Variants in WDR26 observed in about 807,000 individuals in gnomAD.
WDR26 encodes the protein WD repeat-containing protein 26.
In WDR26, 5 loss-of-function variants were observed where a neutral mutation model predicts 84.1. That is an observed-to-expected ratio of 0.06 (90% CI 0.03 to 0.13). WDR26 has a LOEUF of 0.13. WDR26 is among the 10% of genes least tolerant of loss of function. WDR26 has a pLI of 1.00. For missense variants in WDR26, 642 were observed against 974.9 expected, an observed-to-expected ratio of 0.66 and a Z score of 4.55; for synonymous variants, 415 against 389.6, an observed-to-expected ratio of 1.07 and a Z score of -0.77.
intron 3 of WDR26, chr1:224,430,507 G>GA (rs949125477): frequency 6.6e-6 from 1 of 151,634 alleles, no homozygotes; most frequent in African/African-American, 2.4e-5. Context: ...GATTTCAAAA[G>GA]AAAAAAACAC....
At chr1:224,403,282 C>T (rs901188591) in intron 8 of WDR26, among the ~76,000 whole-genome samples, 2 of 152,208 alleles carry the variant, frequency 1.3e-5, no homozygotes, top group African/African-American at 4.8e-5. Context: ...GAACTCCTGA[C>T]CTCGTGATTT....
rs1672974301 is a variant in WDR26 at position 224,385,508 on chromosome 1, T to A, written c.*4327A>T. 6.5e-6 allele frequency: 1 copy of A among 152,672 alleles called. No individual in the cohort carries two copies. Among genetic ancestry groups the A allele is most frequent in the South Asian group, 2.1e-4 (1 of 4,836 alleles). 9.5% of individuals were successfully genotyped at this position (152,672 alleles called of 1,614,324 possible). Reference sequence around the variant, plus strand: ...ACCAAAATTGAAGAACACAATCTTTTGAAACATTTAATCAGTCCATAGCAA... The same window carrying A: ...ACCAAAATTGAAGAACACAATCTTTAGAAACATTTAATCAGTCCATAGCAA... On this transcript the variant is annotated 3_prime_UTR_variant, in exon 14 of 14. Transcript: ENST00000414423.
In WDR26 at chr1:224,434,055, A is replaced by T; in HGVS notation, c.351T>A (p.Gly117=). The change falls in exon 1 of 14, where the codon GGT becomes GGA. Residue 117 remains glycine (G), a synonymous_variant. Coordinates refer to ENST00000414423, the MANE Select transcript of WDR26 (RefSeq NM_001379403.1). ...GGCCCCCGCCGCCCCCTCCTCCTCC[A>T]CCGCCGCCGCCGCCACCTCCTCCTC... The T allele has an allele frequency of 6.9e-7, 1 of 1,447,000 alleles. No homozygotes were observed. The highest frequency in any genetic ancestry group is 9.1e-7 in the Non-Finnish European group (1 of 1,104,738). The allele number at this position is 1,447,000 out of a possible 1,614,324, so 89.6% of individuals were successfully genotyped here. A position where few individuals can be genotyped will look rare whatever the true frequency, so the allele number is the denominator to read the frequency against.
At chr1:224,429,557 C>G (rs541615173) in intron 3 of WDR26, 15 of 152,268 alleles carry the variant, frequency 9.9e-5, no homozygotes, top group Non-Finnish European at 2.1e-4. Flanking sequence ...TGAAGAGCAA[C>G]TTCAAAAAAT....
chr1:224,411,810 A>C (rs1223968744), intron 6 of WDR26, among the ~76,000 whole-genome samples: 1 of 151,216 alleles, frequency 6.6e-6, no homozygotes, highest in Non-Finnish European at 1.5e-5. Context: ...GGGTCAAGAG[A>C]CTCTCCCACC....
At chr1:224,413,663 T>C (rs1354084673) in intron 6 of WDR26, among the ~76,000 whole-genome samples, 1 of 152,216 alleles carries the variant, frequency 6.6e-6, no homozygotes, top group Non-Finnish European at 1.5e-5. Context: ...GTAATTGTAC[T>C]AAGATTTGGA....
At chr1:224,407,151 A>AATATATATATATATAT (rs1335487396) in intron 7 of WDR26, among the ~76,000 whole-genome samples, 295 of 11,834 alleles carry the variant, frequency 0.025, 19 homozygotes, top group South Asian at 0.053. Context: ...AAAAAAAAAA[A>AATATATATATATATAT]ATATATATAT....
chr1:224,401,671 C>CAAAAAAAAAAAAAAAAGAAAAAAAAAAA (rs1673417200), intron 8 of WDR26, among the ~76,000 whole-genome samples: 3 of 49,640 alleles, frequency 6.0e-5, no homozygotes, highest in East Asian at 5.4e-4. Flanking sequence ...GAGACTGTCT[C>CAAAAAAAAAAAAAAAAGAAAAAAAAAAA]AAAAAAAAAA....
rs1673399137 is a variant in WDR26, at chr1:224,401,058, T to C, written c.1611A>G (p.Leu537=). 2 of 1,613,908 alleles carry C rather than the reference T, an allele frequency of 1.2e-6. No homozygotes were observed. ...CATGAGACTGGCTCATTTTTGTCCT[T>C]AGTTCTCCTGTCTATAAGGAAATAA... Residue 537 remains leucine (L), a synonymous_variant, in exon 9 of 14, where the codon CTA becomes CTG. Transcript: ENST00000414423.
chr1:224,434,368 G>C lies in WDR26; in HGVS notation c.38C>G (p.Ser13Cys), dbSNP rs963908506. 2 of 1,199,798 alleles carry C rather than the reference G, an allele frequency of 1.7e-6. No individual in the cohort carries two copies. The highest frequency in any genetic ancestry group is 2.1e-6 in the Non-Finnish European group (2 of 968,296). The allele number at this position is 1,199,798 out of a possible 1,614,324, so 74.3% of individuals were successfully genotyped here. A position where few individuals can be genotyped will look rare whatever the true frequency, so the allele number is the denominator to read the frequency against. The change falls in exon 1 of 14, where the codon TCC becomes TGC. Residue 13 changes from serine (S) to cysteine (C), a missense_variant. This residue lies in a region of WDR26 where 291 missense variants were observed against 302.1 expected (regional missense o/e 0.96). Transcript: ENST00000414423. ...GCCGGTGTCCGAGTCGGAGGAGGAGGAAGCGGAGGCCAGAGTTTCCTCGCC... is the reference window on the plus strand; with the variant it reads ...GCCGGTGTCCGAGTCGGAGGAGGAGCAAGCGGAGGCCAGAGTTTCCTCGCC...
intron 12 of WDR26, among the ~76,000 whole-genome samples, chr1:224,396,298 G>A (rs1673258113): frequency 6.6e-6 from 1 of 152,070 alleles, no homozygotes; most frequent in Admixed American, 6.5e-5. Flanking sequence ...ATAATTTTAA[G>A]TACCTCTAGG....
At chr1:224,396,803 T>C (rs1029403880) in intron 12 of WDR26, among the ~76,000 whole-genome samples, 11 of 152,092 alleles carry the variant, frequency 7.2e-5, no homozygotes, top group Admixed American at 1.3e-4. Context: ...TACAAAAATT[T>C]GTTGGGGCTA....
chr1:224,417,289 A>T (rs778124613), intron 6 of WDR26, among the ~76,000 whole-genome samples: 1 of 152,258 alleles, frequency 6.6e-6, no homozygotes, highest in Non-Finnish European at 1.5e-5. Context: ...GGTAAAAGCA[A>T]CTGAGCACAT....
intron 1 of WDR26, 62 bp downstream of exon 1, chr1:224,433,614 CTTCCCCTA>C: frequency 8.0e-6 from 8 of 998,366 alleles, no homozygotes; most frequent in Admixed American, 3.6e-5. Flanking sequence ...CCCTCCGCCC[CTTCCCCTA>C]CCCCCCTGGA....
chr1:224,399,918 G>A (rs1001297439), intron 9 of WDR26, among the ~76,000 whole-genome samples: 1 of 152,148 alleles, frequency 6.6e-6, no homozygotes, highest in African/African-American at 2.4e-5. Flanking sequence ...GCTGCAGTGA[G>A]CCATGATCAC....
Position 224,434,639 on chromosome 1 carries a change from C to A in WDR26, c.-234G>T. The A allele has an allele frequency of 4.6e-6, 3 of 647,644 alleles. No individual in the cohort carries two copies. Among genetic ancestry groups the A allele is most frequent in the Non-Finnish European group, 5.7e-6 (3 of 526,526 alleles). The allele number at this position is 647,644 out of a possible 1,614,324, so 40.1% of individuals were successfully genotyped here. On this transcript the variant is annotated 5_prime_UTR_variant, in exon 1 of 14. Transcript: ENST00000414423. ...GGTCGCGCCGGGGGGCGCCGCGGGG[C>A]GGCTGCGGGGGCGCGGGGCCCGCCG...
intron 7 of WDR26, among the ~76,000 whole-genome samples, chr1:224,405,654 GT>G (rs1227936547): frequency 3.9e-5 from 6 of 152,166 alleles, no homozygotes; most frequent in Admixed American, 1.3e-4. Context: ...AGAAACGAAA[GT>G]TTAGAAAGGT....
At position 224,434,241 on chromosome 1, in the gene WDR26, G is replaced by A; in HGVS notation, c.165C>T (p.Ser55=). The A allele has an allele frequency of 2.9e-6, 4 of 1,378,084 alleles. No individual in the cohort carries two copies. Among genetic ancestry groups the A allele is most frequent in the Non-Finnish European group, 3.7e-6 (4 of 1,069,572 alleles). 85.4% of individuals were successfully genotyped at this position (1,378,084 alleles called of 1,614,324 possible). Residue 55 remains serine, a synonymous_variant, in exon 1 of 14, where the codon TCC becomes TCT. Coordinates refer to ENST00000414423, the MANE Select transcript of WDR26 (RefSeq NM_001379403.1). ...AGGAGGAGGAGGACGAGGACGACGAGGACGGAGGGGAGAGGCCTGCTCTGC... is the reference window on the plus strand; with the variant it reads ...AGGAGGAGGAGGACGAGGACGACGAAGACGGAGGGGAGAGGCCTGCTCTGC...
rs749809826 is a variant in WDR26, at chr1:224,389,583, C to T, written c.*252G>A. On this transcript the variant is annotated 3_prime_UTR_variant, in exon 14 of 14. Transcript: ENST00000414423. ...TCAATGGGTAAGCCTGAATGTAGCA[C>T]AGTTCTTCACAACCGATGGGGGAAT... The T allele has an allele frequency of 4.5e-4, 262 of 576,190 alleles. 1 individual carries two copies. Among genetic ancestry groups the T allele is most frequent in the Non-Finnish European group, 1.1e-4 (35 of 331,892 alleles). The allele number at this position is 576,190 out of a possible 1,614,324, so 35.7% of individuals were successfully genotyped here. A position where few individuals can be genotyped will look rare whatever the true frequency, so the allele number is the denominator to read the frequency against.
Sources: allele counts gnomAD v4.1 joint callset (sites outside exome capture counted in the v4.1 genomes callset), GRCh38; gene constraint gnomAD v4.1.1; regional missense constraint gnomAD v4.1.1; transcripts MANE v1.5; gene names NCBI Gene and HGNC (gene_info 2026-07-23, HGNC 2026-07-21).